The following POTEC variants were observed in gnomAD, a reference collection of about 807,000 sequenced individuals.
POTEC encodes the protein POTE ankyrin domain family member C.
POTEC carries 35 observed loss-of-function variants against 62.0 expected under a neutral mutation model. The ratio of observed to expected loss-of-function variants is 0.56; its 90% CI spans 0.43 to 0.75. The LOEUF is 0.75. Ranked by LOEUF, POTEC falls within the 30% of genes least tolerant of loss-of-function variation. The pLI, the probability that POTEC is intolerant of heterozygous loss-of-function variation, is 0.00. For missense variants in POTEC, 472 were observed against 655.9 expected (o/e 0.72, Z 3.06); for synonymous variants, 156 against 221.5 (o/e 0.70, Z 2.62).
At chr18:14,542,488 C>T (rs9946778) in intron 1 of POTEC, 138 bp downstream of exon 1, 141,753 of 1,373,418 alleles carry the variant, frequency 0.1, 7,687 homozygotes, top group African/African-American at 0.12. Context: ...GGGCCCTGAC[C>T]TCTCTGAGGT....
In POTEC at chr18:14,538,476, G is replaced by A. The variant is rs139049643; in HGVS notation, c.522-227C>T. ...CAGCTCTTGGATGACATTCAACTTGGGCTGGAATCCTACTTGAAGCTCTGT... is the reference window on the plus strand; with the variant it reads ...CAGCTCTTGGATGACATTCAACTTGAGCTGGAATCCTACTTGAAGCTCTGT... On this transcript the variant is annotated intron_variant, in intron 1 of 10. Transcript: ENST00000358970. 4.1e-3 allele frequency among the ~76,000 whole-genome samples: 630 copies of A among 152,218 alleles called. 5 individuals are homozygous for A. Among genetic ancestry groups the A allele is most frequent in the African/African-American group, 0.013 (560 of 41,534 alleles).
intron 4 of POTEC, among the ~76,000 whole-genome samples, chr18:14,534,173 T>C (rs1290669806): frequency 6.8e-6 from 1 of 146,214 alleles, no homozygotes; most frequent in Non-Finnish European, 1.5e-5. Flanking sequence ...GAATATGCGG[T>C]GTTTGGTTTT....
chr18:14,507,837 T>A lies in POTEC; in HGVS notation c.*4061A>T, dbSNP rs1006112520. The stretch of plus-strand genomic sequence containing the variant: ...GATCTTGTTTCTCCTTCACTTATGA[T>A]GCTTAATTTTGCTGGACATGAAATT... On this transcript the variant is annotated 3_prime_UTR_variant, in exon 11 of 11. Transcript: ENST00000358970. The A allele has an allele frequency of 6.6e-6, 1 of 152,232 alleles. No individual in the cohort carries two copies. The highest frequency in any genetic ancestry group is 1.5e-5 in the Non-Finnish European group (1 of 68,048). The allele number at this position is 152,232 out of a possible 1,614,324, so 9.4% of individuals were successfully genotyped here. A position where few individuals can be genotyped will look rare whatever the true frequency, so the allele number is the denominator to read the frequency against.
chr18:14,530,291 A>C (rs561534596), intron 6 of POTEC, among the ~76,000 whole-genome samples, 192 bp downstream of exon 6: 1 of 152,058 alleles, frequency 6.6e-6, no homozygotes, highest in Non-Finnish European at 1.5e-5. Flanking sequence ...TAAGTTGTAT[A>C]ATTATTTCAT....
rs1472583146 is a variant in POTEC at position 14,542,926 on chromosome 18, C to T, written c.221G>A (p.Gly74Glu). 3 of 1,524,670 alleles carry T rather than the reference C, an allele frequency of 2.0e-6. No individual in the cohort carries two copies. The highest frequency in any genetic ancestry group is 2.8e-5 in the African/African-American group (2 of 71,698). The allele number at this position is 1,524,670 out of a possible 1,614,324, so 94.4% of individuals were successfully genotyped here. ...AGTGCCCACGTTGCTCGTGCCGCTCCCCCTGCAGCAGGGGAAGCAGTGGTG... is the reference window on the plus strand; with the variant it reads ...AGTGCCCACGTTGCTCGTGCCGCTCTCCCTGCAGCAGGGGAAGCAGTGGTG... ...CCHHCFPCCR[G>E]SGTSNVGTSG... Residue 74 changes from glycine to glutamate, a missense_variant, in exon 1 of 11, where the codon GGG (glycine) becomes GAG (glutamate). Physicochemically the swap from Gly to Glu is moderately conservative, Grantham distance 98 (BLOSUM62 -2). Coordinates refer to ENST00000358970, the MANE Select transcript of POTEC (RefSeq NM_001137671.2).
In POTEC at chr18:14,528,965, A is replaced by T. The variant is rs1052992668; in HGVS notation, c.1126+1518T>A. The T allele has an allele frequency of 2.6e-5, 12 of 454,282 alleles. No homozygotes were observed. In the Admixed American group the frequency reaches 2.8e-4, roughly 11 times the overall value. 28.1% of individuals were successfully genotyped at this position (454,282 alleles called of 1,614,324 possible). A position where few individuals can be genotyped will look rare whatever the true frequency, so the allele number is the denominator to read the frequency against. On this transcript the variant is annotated intron_variant, in intron 6 of 10. Coordinates refer to ENST00000358970, the MANE Select transcript of POTEC (RefSeq NM_001137671.2). ...TGCTGCTCTTCCTGCCAAACAGGCA[A>T]CCTCATTAGATGTTCTTCTGGCAAA... is the stretch of plus-strand genomic sequence containing the variant.
chr18:14,522,258 G>C lies in POTEC; in HGVS notation c.1405C>G (p.His469Asp). Residue 469 changes from histidine (H) to aspartate (D), a missense_variant, in exon 9 of 11, where the codon CAC (histidine) becomes GAC (aspartate). Physicochemically the swap from His to Asp is moderately conservative, Grantham distance 81. Coordinates refer to ENST00000358970, the MANE Select transcript of POTEC (RefSeq NM_001137671.2). ...QFPDTENEEYHSDEQNDTRKQ... is the reference protein window; with the variant it reads ...QFPDTENEEYDSDEQNDTRKQ... ...TAAATGTTGCCATAGGCTTACCTGT[G>C]ATACTCTTCATTCTCAGTGTCAGGA... 6.4e-7 allele frequency: 1 copy of C among 1,573,414 alleles called. No individual in the cohort carries two copies.
Position 14,510,714 on chromosome 18 carries a change from C to T in POTEC, c.*1184G>A, listed in dbSNP as rs1191334410. On this transcript the variant is annotated 3_prime_UTR_variant, in exon 11 of 11. Transcript: ENST00000358970. Reference sequence around the variant, plus strand: ...CTGGAAGCAAGTTGAGAAGTCTTGCCTAGTAAGGAGGAACAGGAATAGGGA... The same window carrying T: ...CTGGAAGCAAGTTGAGAAGTCTTGCTTAGTAAGGAGGAACAGGAATAGGGA... The T allele has an allele frequency of 6.6e-6, 1 of 152,122 alleles. No homozygotes were observed. The highest frequency in any genetic ancestry group is 2.4e-5 in the African/African-American group (1 of 41,408). The allele number at this position is 152,122 out of a possible 1,614,324, so 9.4% of individuals were successfully genotyped here.
rs1461073041 is a variant in POTEC, at chr18:14,519,613, A to T, written c.1409+2641T>A. On this transcript the variant is annotated intron_variant, in intron 9 of 10. Transcript: ENST00000358970. The stretch of plus-strand genomic sequence containing the variant: ...GCACCTGTAATGCCAGCTACTCAGG[A>T]GGCTGAAGCAGGAGAATTGCTTGAA... Among the ~76,000 whole-genome samples, 3 of 152,274 alleles carry T rather than the reference A, an allele frequency of 2.0e-5. No homozygotes were observed. The East Asian group carries it at 5.8e-4, about 29-fold the overall frequency.
intron 5 of POTEC, among the ~76,000 whole-genome samples, chr18:14,530,883 T>G (rs564361301): frequency 1.3e-5 from 2 of 152,302 alleles, no homozygotes; most frequent in East Asian, 3.9e-4. Context: ...AAATTTCTTC[T>G]CTTAGGCTCA....
At position 14,524,962 on chromosome 18, in the gene POTEC, G is replaced by A. The variant is rs745345869; in HGVS notation, c.1148C>T (p.Ser383Leu). 5.4e-5 allele frequency: 87 copies of A among 1,603,558 alleles called. No homozygotes were observed. Among genetic ancestry groups the A allele is most frequent in the Non-Finnish European group, 6.5e-5 (77 of 1,176,176 alleles). ...TTTAAGCCTTTGTGACTCTTCCTCT[G>A]ATGTTAGCTTTAAGTCTTGTTCTGT... ...SNPEQDLKLT[S>L]EEESQRLKVS... The change falls in exon 7 of 11, where the codon TCA (serine) becomes TTA (leucine). Residue 383 changes from serine to leucine, a missense_variant. Transcript: ENST00000358970.
chr18:14,539,216 A>G (rs1281473577), intron 1 of POTEC, among the ~76,000 whole-genome samples: 1 of 151,814 alleles, frequency 6.6e-6, no homozygotes, highest in African/African-American at 2.4e-5. Flanking sequence ...AGGATTTAAG[A>G]CTGTTATAAA....
At chr18:14,530,068 C>T (rs1567913375) in intron 6 of POTEC, among the ~76,000 whole-genome samples, 2 of 151,898 alleles carry the variant, frequency 1.3e-5, no homozygotes, top group East Asian at 1.9e-4. Context: ...CATATTACCG[C>T]CTGAACTCTG....
Position 14,513,631 on chromosome 18 carries a change from G to A in POTEC, c.1533+31C>T, listed in dbSNP as rs1373595280. 5.0e-6 allele frequency: 8 copies of A among 1,608,144 alleles called. 1 individual carries two copies. In the South Asian group the frequency reaches 8.9e-5, roughly 18 times the overall value. On this transcript the variant is annotated intron_variant, in intron 10 of 10. Transcript: ENST00000358970. The stretch of plus-strand genomic sequence containing the variant: ...GCTTTTTAAAAATATATACACATAT[G>A]AAAACATTTGAAAATGACTAAAGAA...
chr18:14,537,962 G>A lies in POTEC; in HGVS notation c.649C>T (p.Gln217Ter), dbSNP rs1389554014. 3 of 1,611,776 alleles carry A rather than the reference G, an allele frequency of 1.9e-6. No individual in the cohort carries two copies. Among genetic ancestry groups the A allele is most frequent in the Admixed American group, 3.3e-5 (2 of 59,882 alleles). ...RTALIKAVQC[Q>*]EDECVLMLLE... ...AACATTAACACACATTCATCTTCCT[G>A]GCATTGTACGGCCTGTCAGTATTAG... Residue 217 changes from glutamine to a stop codon, truncating the protein, a stop_gained, in exon 3 of 11, where the codon CAG becomes TAG. Transcript: ENST00000358970. LOFTEE classifies it high-confidence loss of function.
chr18:14,531,158 T>C (rs2143148156), intron 5 of POTEC, among the ~76,000 whole-genome samples: 1 of 152,240 alleles, frequency 6.6e-6, no homozygotes, highest in East Asian at 1.9e-4. Context: ...CTACTCCTTA[T>C]GGCTTATAAT....
chr18:14,525,110 T>G, intron 6 of POTEC, 127 bp from the exon 7 acceptor site: 1 of 1,387,284 alleles, frequency 7.2e-7, no homozygotes, highest in East Asian at 2.5e-5. Context: ...TAGTCTTTCA[T>G]GAAATAGTTA....
At chr18:14,516,607 C>T (rs1212413137) in intron 9 of POTEC, among the ~76,000 whole-genome samples, 1 of 145,782 alleles carries the variant, frequency 6.9e-6, no homozygotes, top group Non-Finnish European at 1.5e-5. Flanking sequence ...TTTCTCTCAA[C>T]ACCTGGGAAT....
At chr18:14,521,688 C>A (rs1055817035) in intron 9 of POTEC, among the ~76,000 whole-genome samples, 7 of 152,046 alleles carry the variant, frequency 4.6e-5, no homozygotes, top group African/African-American at 1.7e-4. Context: ...TCAATGAGAC[C>A]ATTTCCTTTG....
Sources: allele counts gnomAD v4.1 joint callset (sites outside exome capture counted in the v4.1 genomes callset), GRCh38; gene constraint gnomAD v4.1.1; transcripts MANE v1.5; gene names NCBI Gene and HGNC (gene_info 2026-07-23, HGNC 2026-07-21).